Variants in TBC1D9 observed in about 807,000 individuals in gnomAD.
TBC1D9 encodes TBC1 domain family member 9, also known as TBC1 domain family member 9A.
A neutral mutation model predicts 132.0 loss-of-function variants in TBC1D9; 63 were observed. The ratio of observed to expected loss-of-function variants is 0.48; its 90% CI spans 0.39 to 0.59. The LOEUF (loss-of-function observed/expected upper bound fraction) is 0.59. Among genes scored for constraint, TBC1D9 ranks in the 20% least tolerant of loss-of-function variants. TBC1D9 has a pLI of 0.00. For synonymous variants in TBC1D9, 610 were observed against 609.9 expected (o/e 1.00, Z 0.00); for missense variants, 1,261 against 1,592.7 (o/e 0.79, Z 3.54).
chr4:140,654,352 AAGTT>A (rs952316185), intron 13 of TBC1D9, among the ~76,000 whole-genome samples: 11 of 152,154 alleles, frequency 7.2e-5, no homozygotes, highest in African/African-American at 2.4e-4. Context: ...ATGAGCTAGA[AAGTT>A]AGTCCTCTTT....
At position 140,622,257 on chromosome 4, in the gene TBC1D9, G is replaced by A. The variant is rs1310032205; in HGVS notation, c.3739C>T (p.Arg1247Trp). 2.5e-6 allele frequency: 4 copies of A among 1,605,778 alleles called. No homozygotes were observed. The highest frequency in any genetic ancestry group is 2.6e-6 in the Non-Finnish European group (3 of 1,173,148). The change falls in exon 21 of 21, where the codon CGG becomes TGG. Residue 1247 changes from arginine (R) to tryptophan (W), a missense_variant. Around this residue, in one of 3 missense-constraint regions of TBC1D9, gnomAD observed 618 missense variants for 724.4 expected, o/e 0.85. Coordinates refer to ENST00000442267, the MANE Select transcript of TBC1D9 (RefSeq NM_015130.3). ...MARITSAKNI[R>W]MMGKPLTSAS... The stretch of plus-strand genomic sequence containing the variant: ...GAGGTGAGGGGCTTGCCCATCATCC[G>A]GATGTTTTTTGCACTGGTAATCCTG...
chr4:140,728,368 G>T, intron 1 of TBC1D9, among the ~76,000 whole-genome samples: 1 of 149,154 alleles, frequency 6.7e-6, no homozygotes. Flanking sequence ...AAGTGTTTCT[G>T]GGTTATATTA....
chr4:140,698,050 C>T (rs2111036249), intron 2 of TBC1D9, among the ~76,000 whole-genome samples: 1 of 152,268 alleles, frequency 6.6e-6, no homozygotes, highest in Admixed American at 6.5e-5. Context: ...GGTGGCTCTC[C>T]CTAACTTTTA....
intron 2 of TBC1D9, among the ~76,000 whole-genome samples, chr4:140,687,354 A>T (rs1195872255): frequency 2.1e-5 from 1 of 47,798 alleles, no homozygotes; most frequent in Admixed American, 2.0e-4. Flanking sequence ...ATATATATAT[A>T]TATATATATA....
intron 1 of TBC1D9, 57 bp from the exon 2 acceptor site, chr4:140,701,671 T>G: frequency 7.4e-7 from 1 of 1,347,450 alleles, no homozygotes; most frequent in Non-Finnish European, 1.1e-6. Flanking sequence ...TTTCCCACAT[T>G]CCCAGGGGCA....
chr4:140,644,701 A>G, intron 13 of TBC1D9: 2 of 417,712 alleles, frequency 4.8e-6, no homozygotes, highest in Non-Finnish European at 9.4e-6. Context: ...CTGCAGCTGC[A>G]GGAAGTGCTG....
chr4:140,738,154 C>T (rs555212505), intron 1 of TBC1D9, among the ~76,000 whole-genome samples: 1 of 152,250 alleles, frequency 6.6e-6, no homozygotes, highest in African/African-American at 2.4e-5. Context: ...TTGCATTTCT[C>T]CTCTCTTGTT....
At chr4:140,628,273 A>G in intron 17 of TBC1D9, 27 bp downstream of exon 17, 3 of 1,612,162 alleles carry the variant, frequency 1.9e-6, no homozygotes, top group African/African-American at 2.7e-5. Context: ...TTACAGACAC[A>G]AGTACTGCTC....
chr4:140,747,738 G>A (rs1162696129), intron 1 of TBC1D9, among the ~76,000 whole-genome samples: 1 of 152,126 alleles, frequency 6.6e-6, no homozygotes, highest in African/African-American at 2.4e-5. Context: ...CCTGGACTGG[G>A]GGGACCAGGA....
intron 1 of TBC1D9, among the ~76,000 whole-genome samples, chr4:140,725,189 G>A (rs1405879914): frequency 6.6e-6 from 1 of 152,100 alleles, no homozygotes; most frequent in Non-Finnish European, 1.5e-5. Context: ...TAAAATGATG[G>A]CATTGCCATA....
At chr4:140,721,648 C>T (rs1440788528) in intron 1 of TBC1D9, among the ~76,000 whole-genome samples, 1 of 152,202 alleles carries the variant, frequency 6.6e-6, no homozygotes, top group African/African-American at 2.4e-5. Context: ...TCAGATTCCA[C>T]AGCATCCTTC....
At position 140,639,420 on chromosome 4, in the gene TBC1D9, T is replaced by A. The variant is rs1466507223; in HGVS notation, c.2346A>T (p.Gly782=). The change falls in exon 14 of 21, where the codon GGA becomes GGT. Residue 782 remains glycine, a synonymous_variant. Transcript: ENST00000442267. The part of the protein sequence containing the change: ...RLIRTSYEKF[G]TIRADLIEQM... The stretch of plus-strand genomic sequence containing the variant: ...GTTCAATCAAATCTGCCCGGATAGT[T>A]CCGAATTTCTGTAAAGGAGCAATAT... 2 of 1,609,398 alleles carry A rather than the reference T, an allele frequency of 1.2e-6. No homozygotes were observed. Among genetic ancestry groups the A allele is most frequent in the Non-Finnish European group, 1.7e-6 (2 of 1,177,588 alleles).
chr4:140,728,872 C>A (rs943165658), intron 1 of TBC1D9, among the ~76,000 whole-genome samples: 6 of 152,078 alleles, frequency 3.9e-5, no homozygotes, highest in African/African-American at 1.4e-4. Context: ...CCATGTTGGC[C>A]AGGCTGGTCT....
At chr4:140,737,637 T>C (rs1285018081) in intron 1 of TBC1D9, among the ~76,000 whole-genome samples, 3 of 152,166 alleles carry the variant, frequency 2.0e-5, no homozygotes, top group Non-Finnish European at 4.4e-5. Context: ...TACATTCCTA[T>C]TGTTTAAACA....
chr4:140,640,699 T>C (rs1736973678), intron 13 of TBC1D9, among the ~76,000 whole-genome samples: 1 of 152,074 alleles, frequency 6.6e-6, no homozygotes, highest in South Asian at 2.1e-4. Flanking sequence ...ATTTAAAGGA[T>C]AAAGAAAAAG....
chr4:140,722,872 TCTC>T (rs1738445360), intron 1 of TBC1D9, among the ~76,000 whole-genome samples: 1 of 152,118 alleles, frequency 6.6e-6, no homozygotes, highest in Non-Finnish European at 1.5e-5. Context: ...CACCGGGAGT[TCTC>T]CTCCCCATTG....
In TBC1D9 at chr4:140,742,542, A is replaced by C. The variant is rs1012482126; in HGVS notation, c.130+13374T>G. Among the ~76,000 whole-genome samples, 32 of 151,392 alleles carry C rather than the reference A, an allele frequency of 2.1e-4. 1 individual carries two copies. The highest frequency in any genetic ancestry group is 7.7e-4 in the African/African-American group (32 of 41,380). On this transcript the variant is annotated intron_variant, in intron 1 of 20. Coordinates refer to ENST00000442267, the MANE Select transcript of TBC1D9 (RefSeq NM_015130.3). ...GTGAGACTCTGTCTCAAAAAAAAAA[A>C]AAAAAAAAAAAAAAGACTGACTCAT...
At chr4:140,675,139 G>T (rs1419069741) in intron 6 of TBC1D9, among the ~76,000 whole-genome samples, 1 of 152,038 alleles carries the variant, frequency 6.6e-6, no homozygotes, top group Non-Finnish European at 1.5e-5. Flanking sequence ...ACACAGCAAT[G>T]CAGAGAAAAA....
At chr4:140,733,149 A>G (rs1194945024) in intron 1 of TBC1D9, among the ~76,000 whole-genome samples, 1 of 152,210 alleles carries the variant, frequency 6.6e-6, no homozygotes, top group African/African-American at 2.4e-5. Flanking sequence ...CAAAAAATAA[A>G]GAGAACTACA....
Sources: allele counts gnomAD v4.1 joint callset (sites outside exome capture counted in the v4.1 genomes callset), GRCh38; gene constraint gnomAD v4.1.1; regional missense constraint gnomAD v4.1.1; transcripts MANE v1.5; gene names NCBI Gene and HGNC (gene_info 2026-07-23, HGNC 2026-07-21).